CSNK2A2IP: variants seen among roughly 807,000 people sequenced by gnomAD.
CSNK2A2IP encodes casein kinase 2 subunit alpha' interacting protein, also known as casein kinase II subunit alpha'-interacting protein.
chr3:88,359,033 C>T, the CSNK2A2IP span, among the ~76,000 whole-genome samples: 24 of 149,020 alleles, frequency 1.6e-4, no homozygotes, highest in Non-Finnish European at 2.8e-4. Context: ...TACACTTACG[C>T]GTGCTCTTTT....
At chr3:88,437,635 A>G in the CSNK2A2IP span, among the ~76,000 whole-genome samples, 1 of 152,238 alleles carries the variant, frequency 6.6e-6, no homozygotes, top group Non-Finnish European at 1.5e-5. Flanking sequence ...TCATTTCCTA[A>G]AATGAGAAAT....
chr3:88,380,151 T>C, the CSNK2A2IP span, among the ~76,000 whole-genome samples: 1 of 152,192 alleles, frequency 6.6e-6, no homozygotes, highest in African/African-American at 2.4e-5. Context: ...TATGAATTTT[T>C]ATTGGGAAAA....
chr3:88,376,074 G>A, the CSNK2A2IP span, among the ~76,000 whole-genome samples: 1 of 151,476 alleles, frequency 6.6e-6, no homozygotes, highest in African/African-American at 2.4e-5. Flanking sequence ...ATCTTACTCT[G>A]TCCTATTGTA....
the CSNK2A2IP span, among the ~76,000 whole-genome samples, chr3:88,391,711 T>G: frequency 6.6e-6 from 1 of 152,178 alleles, no homozygotes; most frequent in Non-Finnish European, 1.5e-5. Context: ...ACTAATAAAC[T>G]CATCATCTTT....
the CSNK2A2IP span, among the ~76,000 whole-genome samples, chr3:88,375,860 G>T: frequency 1.3e-5 from 2 of 151,704 alleles, no homozygotes; most frequent in South Asian, 4.1e-4. Flanking sequence ...CTGTGCAATG[G>T]CCACTCTGTC....
chr3:88,353,579 A>G, the CSNK2A2IP span, among the ~76,000 whole-genome samples: 5 of 152,216 alleles, frequency 3.3e-5, no homozygotes, highest in Admixed American at 3.3e-4. Flanking sequence ...GGATGAGAGT[A>G]TTAAACTACT....
chr3:88,413,002 G>T, the CSNK2A2IP span, among the ~76,000 whole-genome samples: 1 of 151,998 alleles, frequency 6.6e-6, no homozygotes, highest in Non-Finnish European at 1.5e-5. Flanking sequence ...AGTTTTAATG[G>T]ATAGAAGTAG....
chr3:88,467,243 T>C, the CSNK2A2IP span: 16 of 400,180 alleles, frequency 4.0e-5, no homozygotes, highest in African/African-American at 8.3e-5. Flanking sequence ...TCCTCCTCTG[T>C]TGCCTCTGCC....
the CSNK2A2IP span, among the ~76,000 whole-genome samples, chr3:88,439,045 G>A: frequency 3.3e-5 from 5 of 151,976 alleles, no homozygotes; most frequent in South Asian, 4.2e-4. Context: ...TGTGGTTCCC[G>A]AAATCATGCC....
chr3:88,388,571 A>T, the CSNK2A2IP span, among the ~76,000 whole-genome samples: 1 of 152,190 alleles, frequency 6.6e-6, no homozygotes, highest in African/African-American at 2.4e-5. Context: ...CTGTAATTCA[A>T]TGTTAGGATA....
chr3:88,370,606 CTCTCTCTT>C, the CSNK2A2IP span, among the ~76,000 whole-genome samples: 10 of 124,106 alleles, frequency 8.1e-5, no homozygotes, highest in South Asian at 3.4e-4. Context: ...CTTTCTCTCT[CTCTCTCTT>C]TCTTTCTTTC....
At chr3:88,407,816 C>T in the CSNK2A2IP span, among the ~76,000 whole-genome samples, 4 of 151,934 alleles carry the variant, frequency 2.6e-5, no homozygotes, top group African/African-American at 7.3e-5. Context: ...CTCCGCCTCC[C>T]AGGTTCAAGT....
chr3:88,441,448 T>A, the CSNK2A2IP span, among the ~76,000 whole-genome samples: 2 of 152,180 alleles, frequency 1.3e-5, no homozygotes, highest in African/African-American at 2.4e-5. Context: ...TTCCTTCAGC[T>A]GTTGTACCAA....
the CSNK2A2IP span, among the ~76,000 whole-genome samples, chr3:88,380,555 A>T: frequency 6.6e-6 from 1 of 152,004 alleles, no homozygotes; most frequent in South Asian, 2.1e-4. Context: ...ATATTTATTT[A>T]AATAACACTA....
chr3:88,432,907 A>T, the CSNK2A2IP span, among the ~76,000 whole-genome samples: 2 of 151,822 alleles, frequency 1.3e-5, no homozygotes, highest in African/African-American at 4.8e-5. Flanking sequence ...TAAGAATAAG[A>T]GTTCTGGTTC....
At chr3:88,464,174 G>T in the CSNK2A2IP span, among the ~76,000 whole-genome samples, 2 of 141,370 alleles carry the variant, frequency 1.4e-5, no homozygotes, top group African/African-American at 2.6e-5. Flanking sequence ...GGTGTGGGGG[G>T]AGGGGGGAGG....
the CSNK2A2IP span, among the ~76,000 whole-genome samples, chr3:88,342,210 T>C: frequency 3.3e-5 from 5 of 152,120 alleles, no homozygotes; most frequent in Admixed American, 6.6e-5. Flanking sequence ...TTCAGGAACT[T>C]ATATATTCTG....
the CSNK2A2IP span, among the ~76,000 whole-genome samples, chr3:88,346,363 C>A: frequency 3.3e-5 from 5 of 151,946 alleles, no homozygotes; most frequent in African/African-American, 4.8e-5. Context: ...GAAACAGCTT[C>A]ATAATGGAAA....
At chr3:88,417,710 C>T in the CSNK2A2IP span, among the ~76,000 whole-genome samples, 1 of 152,182 alleles carries the variant, frequency 6.6e-6, no homozygotes, top group Non-Finnish European at 1.5e-5. Context: ...CTTCTATTTA[C>T]TGTCAACTGT....
Sources: gnomAD v4.1 joint callset for allele counts (sites outside exome capture counted in the v4.1 genomes callset) on GRCh38, gnomAD v4.1.1 for gene constraint, MANE v1.5 for transcripts, NCBI Gene and HGNC (gene_info 2026-07-23, HGNC 2026-07-21) for gene names.